SLIT3: variants seen among roughly 807,000 people sequenced by gnomAD.
SLIT3 encodes slit homolog 3 protein.
In SLIT3, 68 loss-of-function variants were observed where a neutral mutation model predicts 184.0. The observed-to-expected ratio is 0.37, with a 90% CI of 0.30 to 0.45. The LOEUF (loss-of-function observed/expected upper bound fraction) is 0.45. SLIT3 is among the 20% of genes least tolerant of loss of function. SLIT3 has a pLI of 1.00. For synonymous variants in SLIT3, 831 were observed against 828.6 expected (o/e 1.00, Z -0.05); for missense variants, 1,707 against 2,026.0 (o/e 0.84, Z 3.02).
intron 1 of SLIT3, among the ~76,000 whole-genome samples, chr5:169,276,048 A>T (rs528946930): frequency 9.9e-5 from 15 of 152,240 alleles, no homozygotes; most frequent in African/African-American, 2.6e-4. Context: ...AGTGACGCGA[A>T]GTCTTGCCTC....
intron 8 of SLIT3, among the ~76,000 whole-genome samples, chr5:168,810,501 T>G (rs1438835367): frequency 6.6e-6 from 1 of 152,240 alleles, no homozygotes; most frequent in Non-Finnish European, 1.5e-5. Context: ...CCACACTATC[T>G]GCTCTTGGAG....
In SLIT3 at chr5:168,741,478, CA is replaced by C. The variant is rs3061744; in HGVS notation, c.2270+6823del. ...TGGGCGACAGAGCAAGACTCGGTCT[CA>C]AAAAAAAAAAAAAAAAAGAAGACAA... On this transcript the variant is annotated intron_variant, in intron 20 of 35. Transcript: ENST00000519560. 2.2e-3 allele frequency among the ~76,000 whole-genome samples: 182 copies of C among 81,580 alleles called. 3 individuals are homozygous for C. Among genetic ancestry groups the C allele is most frequent in the African/African-American group, 5.7e-3 (111 of 19,468 alleles). 53.5% of individuals were successfully genotyped at this position (81,580 alleles called of 152,430 possible).
At chr5:168,839,966 G>A (rs1368338245) in intron 6 of SLIT3, among the ~76,000 whole-genome samples, 2 of 152,198 alleles carry the variant, frequency 1.3e-5, no homozygotes, top group Admixed American at 1.3e-4. Flanking sequence ...AGAATGCTAG[G>A]TGGCATGGGC....
chr5:168,868,589 A>G (rs1422063495), intron 5 of SLIT3, among the ~76,000 whole-genome samples: 1 of 152,008 alleles, frequency 6.6e-6, no homozygotes, highest in Non-Finnish European at 1.5e-5. Context: ...CTCTACTAAA[A>G]TACAAAAAAT....
At chr5:169,271,326 C>T (rs1051058441) in intron 1 of SLIT3, among the ~76,000 whole-genome samples, 3 of 152,196 alleles carry the variant, frequency 2.0e-5, no homozygotes, top group Non-Finnish European at 4.4e-5. Context: ...TCCCAGCTCA[C>T]GGCCCCTTCT....
At chr5:168,756,126 T>C (rs1484974414) in intron 16 of SLIT3, among the ~76,000 whole-genome samples, 1 of 152,156 alleles carries the variant, frequency 6.6e-6, no homozygotes, top group Non-Finnish European at 1.5e-5. Context: ...CTGGCAGAAT[T>C]GGCGGGCTCG....
intron 4 of SLIT3, among the ~76,000 whole-genome samples, chr5:169,072,657 T>C (rs886896329): frequency 2.6e-5 from 4 of 152,176 alleles, no homozygotes; most frequent in African/African-American, 9.7e-5. Flanking sequence ...TTAGGGATGT[T>C]TCTAGACTTC....
At chr5:168,966,005 G>A (rs537913431) in intron 4 of SLIT3, among the ~76,000 whole-genome samples, 1 of 152,178 alleles carries the variant, frequency 6.6e-6, no homozygotes, top group Non-Finnish European at 1.5e-5. Context: ...ACCTAAGCAG[G>A]CCAAAGCTTA....
chr5:169,041,338 T>C (rs1219285212), intron 4 of SLIT3, among the ~76,000 whole-genome samples: 2 of 152,158 alleles, frequency 1.3e-5, no homozygotes, highest in Admixed American at 6.5e-5. Flanking sequence ...CTCAGTCTAG[T>C]GGAGGTGACA....
At chr5:168,882,852 G>T (rs1015501275) in intron 5 of SLIT3, among the ~76,000 whole-genome samples, 6 of 152,138 alleles carry the variant, frequency 3.9e-5, no homozygotes, top group Non-Finnish European at 7.3e-5. Context: ...CATCGTCAAG[G>T]TTCCAATTGA....
chr5:168,673,097 C>A, intron 33 of SLIT3, 80 bp downstream of exon 33: 1 of 1,429,262 alleles, frequency 7.0e-7, no homozygotes, highest in South Asian at 1.2e-5. Flanking sequence ...CCCTGATTGG[C>A]TTTGGCAGTG....
rs192429347 is a variant in SLIT3 at position 168,910,679 on chromosome 5, G to A, written c.414-27343C>T. 6.6e-3 allele frequency among the ~76,000 whole-genome samples: 1,006 copies of A among 151,522 alleles called. 5 individuals are homozygous for A. Among genetic ancestry groups the A allele is most frequent in the Non-Finnish European group, 0.012 (794 of 67,868 alleles). ...GAGAATGGCGTGAACCTGGGAGGCG[G>A]AGCTTGCAGTGAGCCGAGATGGCAC... is the stretch of plus-strand genomic sequence containing the variant. On this transcript the variant is annotated intron_variant, in intron 4 of 35. Transcript: ENST00000519560.
chr5:169,115,089 C>T (rs1760606690), intron 4 of SLIT3, among the ~76,000 whole-genome samples: 1 of 152,158 alleles, frequency 6.6e-6, no homozygotes, highest in Admixed American at 6.5e-5. Flanking sequence ...TGCCTGGGGG[C>T]AAACAGGTGA....
chr5:168,960,883 T>C (rs918242986), intron 4 of SLIT3, among the ~76,000 whole-genome samples: 1 of 152,222 alleles, frequency 6.6e-6, no homozygotes. Context: ...GTGGGGGCAT[T>C]GTACTCAGGA....
intron 32 of SLIT3, among the ~76,000 whole-genome samples, chr5:168,676,897 G>C (rs1761429214): frequency 6.6e-6 from 1 of 152,216 alleles, no homozygotes. Context: ...CTGGCTCCAG[G>C]CCCAACTCCT....
intron 4 of SLIT3, among the ~76,000 whole-genome samples, chr5:169,051,729 G>C (rs1437656719): frequency 6.6e-6 from 1 of 152,200 alleles, no homozygotes; most frequent in Non-Finnish European, 1.5e-5. Context: ...AATGAGCTTT[G>C]AGTTTCCACT....
At chr5:168,924,500 GTGTGTGTA>G (rs1040773726) in intron 4 of SLIT3, among the ~76,000 whole-genome samples, 17 of 135,568 alleles carry the variant, frequency 1.3e-4, no homozygotes, top group South Asian at 6.7e-4. Context: ...AAGGGTGTGT[GTGTGTGTA>G]TGTGTGTGTG....
At chr5:169,084,721 T>C (rs1342871691) in intron 4 of SLIT3, among the ~76,000 whole-genome samples, 1 of 152,196 alleles carries the variant, frequency 6.6e-6, no homozygotes, top group South Asian at 2.1e-4. Flanking sequence ...GGTGACAAAC[T>C]TGGTCCTGAG....
intron 4 of SLIT3, 144 bp downstream of exon 4, chr5:169,193,335 G>A (rs1388106872): frequency 2.1e-5 from 15 of 703,964 alleles, no homozygotes; most frequent in East Asian, 7.7e-5. Context: ...GGGGGTAGAC[G>A]TCATGTCAAA....
Sources: allele counts gnomAD v4.1 joint callset (sites outside exome capture counted in the v4.1 genomes callset), GRCh38; gene constraint gnomAD v4.1.1; transcripts MANE v1.5; gene names NCBI Gene and HGNC (gene_info 2026-07-23, HGNC 2026-07-21).